TACC3: variants seen among roughly 807,000 people sequenced by gnomAD.
TACC3 encodes the protein transforming acidic coiled-coil-containing protein 3.
A neutral mutation model predicts 86.0 loss-of-function variants in TACC3; 52 were observed. That is an observed-to-expected ratio of 0.60 (90% CI 0.48 to 0.76). The LOEUF (loss-of-function observed/expected upper bound fraction) is 0.76. Ranked by LOEUF, TACC3 falls within the 30% of genes least tolerant of loss-of-function variation. The pLI, the probability that TACC3 is intolerant of heterozygous loss-of-function variation, is 0.00. For missense variants in TACC3, 1,120 were observed against 1,070.4 expected, an observed-to-expected ratio of 1.05 and a Z score of -0.65; for synonymous variants, 512 against 430.0, an observed-to-expected ratio of 1.19 and a Z score of -2.36.
At chr4:1,734,823 G>C (rs1718175100) in intron 6 of TACC3, among the ~76,000 whole-genome samples, 1 of 152,104 alleles carries the variant, frequency 6.6e-6, no homozygotes, top group Non-Finnish European at 1.5e-5. Flanking sequence ...ACCGCGCCTA[G>C]CTAATTTTTG....
intron 12 of TACC3, 111 bp from the exon 13 acceptor site, chr4:1,740,715 C>G (rs914089365): frequency 2.1e-6 from 2 of 936,726 alleles, no homozygotes; most frequent in Admixed American, 2.3e-5. Context: ...ACACCCACTG[C>G]CCACCTCTCC....
At position 1,731,942 on chromosome 4, in the gene TACC3, C is replaced by A. The variant is rs962270797; in HGVS notation, c.1591+641C>A. On this transcript the variant is annotated intron_variant, in intron 6 of 15. Coordinates refer to ENST00000313288, the MANE Select transcript of TACC3 (RefSeq NM_006342.3). ...AGCCCCCGCGCCCGGCCCAGAACCCCTTGATAATGAAATGTGAAGCCTGAA... is the reference window on the plus strand; with the variant it reads ...AGCCCCCGCGCCCGGCCCAGAACCCATTGATAATGAAATGTGAAGCCTGAA... Among the ~76,000 whole-genome samples, 10 of 152,370 alleles carry A rather than the reference C, an allele frequency of 6.6e-5. 1 individual carries two copies. The South Asian group carries it at 2.1e-3, about 32-fold the overall frequency.
At chr4:1,739,164 C>T (rs1042500608) in intron 10 of TACC3, among the ~76,000 whole-genome samples, 9 of 152,176 alleles carry the variant, frequency 5.9e-5, no homozygotes, top group East Asian at 3.9e-4. Flanking sequence ...AAAAATTAGC[C>T]GGGCGTGGTG....
At position 1,728,223 on chromosome 4, in the gene TACC3, G is replaced by A. The variant is rs774800653; in HGVS notation, c.821G>A (p.Gly274Asp). 3.1e-6 allele frequency: 5 copies of A among 1,612,244 alleles called. No homozygotes were observed. The highest frequency in any genetic ancestry group is 3.4e-6 in the Non-Finnish European group (4 of 1,179,764). The change falls in exon 4 of 16, where the codon GGC becomes GAC. Residue 274 changes from glycine (G) to aspartate (D), a missense_variant. Physicochemically the swap from Gly to Asp is moderately conservative, Grantham distance 94. Coordinates refer to ENST00000313288, the MANE Select transcript of TACC3 (RefSeq NM_006342.3). Reference protein sequence around the residue: ...PLQGLPGEALGCPAGVGTPVP... With the variant: ...PLQGLPGEALDCPAGVGTPVP... The stretch of plus-strand genomic sequence containing the variant: ...CAGGGTCTGCCTGGCGAAGCCCTGG[G>A]CTGCCCTGCGGGTGTGGGCACCCCC...
chr4:1,726,232 C>T (rs1262906504), intron 3 of TACC3, among the ~76,000 whole-genome samples: 1 of 152,158 alleles, frequency 6.6e-6, no homozygotes, highest in Non-Finnish European at 1.5e-5. Flanking sequence ...GCACCTGTGC[C>T]ACTCCACTGT....
chr4:1,724,020 G>C, intron 3 of TACC3, 150 bp downstream of exon 3: 3 of 843,740 alleles, frequency 3.6e-6, no homozygotes, highest in Non-Finnish European at 3.6e-6. Context: ...CCACGCTGGA[G>C]TGCAGTGGCG....
intron 6 of TACC3, among the ~76,000 whole-genome samples, chr4:1,734,930 A>G (rs999399630): frequency 6.6e-6 from 1 of 152,234 alleles, no homozygotes; most frequent in Non-Finnish European, 1.5e-5. Flanking sequence ...CAAAAGTTAT[A>G]TTATCAAAAA....
At position 1,731,172 on chromosome 4, in the gene TACC3, G is replaced by A. The variant is rs1397078812; in HGVS notation, c.1462G>A (p.Glu488Lys). The change falls in exon 6 of 16, where the codon GAG (glutamate) becomes AAG (lysine). Residue 488 changes from glutamate (E) to lysine (K), a missense_variant and splice_region_variant. By Grantham distance (56) the Glu-to-Lys change is moderately conservative. Transcript: ENST00000313288. ...AGGGTGACTCTGCCCTTTCCTCCAG[G>A]AGAGAGCCTTGAACTCTGCCAGCAC... ...AAETPTAESK[E>K]RALNSASTSL... 1.2e-6 allele frequency: 2 copies of A among 1,613,288 alleles called. No individual in the cohort carries two copies. Among genetic ancestry groups the A allele is most frequent in the Admixed American group, 1.7e-5 (1 of 60,034 alleles).
At chr4:1,730,500 C>T (rs908423635) in intron 4 of TACC3, 9 of 384,474 alleles carry the variant, frequency 2.3e-5, no homozygotes, top group Non-Finnish European at 4.1e-5. Context: ...CAGCTTGTGC[C>T]CTTGGTGTCT....
intron 1 of TACC3, chr4:1,721,999 G>A (rs559526564): frequency 1.1e-4 from 17 of 152,424 alleles, no homozygotes; most frequent in African/African-American, 4.1e-4. Flanking sequence ...GGACCCTCCT[G>A]TTGTTCTTTG....
Position 1,745,070 on chromosome 4 carries a change from T to A in TACC3, c.*57T>A. ...CTCCCGTCTGTCTGTCCTGTCTGAT[T>A]CTCTTAGGTGTCATGTTCTTTTTTC... is the stretch of plus-strand genomic sequence containing the variant. On this transcript the variant is annotated 3_prime_UTR_variant, in exon 16 of 16. Coordinates refer to ENST00000313288, the MANE Select transcript of TACC3 (RefSeq NM_006342.3). 3 of 1,527,020 alleles carry A rather than the reference T, an allele frequency of 2.0e-6. No homozygotes were observed. The highest frequency in any genetic ancestry group is 2.7e-6 in the Non-Finnish European group (3 of 1,125,502). 94.6% of individuals were successfully genotyped at this position (1,527,020 alleles called of 1,614,324 possible).
intron 10 of TACC3, chr4:1,738,278 A>G (rs1305323513): frequency 1.7e-5 from 4 of 235,546 alleles, no homozygotes; most frequent in African/African-American, 6.8e-5. Context: ...AGGTGCAGAC[A>G]GGGTGGTTCC....
rs576556395 is a variant in TACC3, at chr4:1,728,631, T to C, written c.1229T>C (p.Met410Thr). 23 of 1,613,776 alleles carry C rather than the reference T, an allele frequency of 1.4e-5. No homozygotes were observed. Among genetic ancestry groups the C allele is most frequent in the East Asian group, 2.2e-5 (1 of 44,864 alleles). The stretch of plus-strand genomic sequence containing the variant: ...TCTTACCACCTCGACTGGGACAAAA[T>C]GGATGACCCAAACTTCATCCCGTTC... Reference protein sequence around the residue: ...RGSYHLDWDKMDDPNFIPFGG... With the variant: ...RGSYHLDWDKTDDPNFIPFGG... Residue 410 changes from methionine to threonine, a missense_variant, in exon 4 of 16, where the codon ATG (methionine) becomes ACG (threonine). By Grantham distance (81) the Met-to-Thr change is moderately conservative. Coordinates refer to ENST00000313288, the MANE Select transcript of TACC3 (RefSeq NM_006342.3).
intron 6 of TACC3, among the ~76,000 whole-genome samples, chr4:1,731,912 G>A (rs1031237127): frequency 2.0e-5 from 3 of 152,250 alleles, no homozygotes; most frequent in Admixed American, 6.5e-5. Flanking sequence ...GGGATTGCAC[G>A]CGTGAGCCCC....
intron 9 of TACC3, 120 bp downstream of exon 9, chr4:1,737,448 G>A: frequency 8.6e-7 from 1 of 1,159,350 alleles, no homozygotes; most frequent in Non-Finnish European, 1.3e-6. Context: ...GGGGCATGGG[G>A]CCGCTGTGCT....
chr4:1,742,976 AAT>A (rs1560328055), intron 13 of TACC3, among the ~76,000 whole-genome samples: 1 of 152,182 alleles, frequency 6.6e-6, no homozygotes, highest in Non-Finnish European at 1.5e-5. Context: ...GAAAACAAAA[AAT>A]ACAGAAAAAC....
At position 1,740,889 on chromosome 4, in the gene TACC3, AC is replaced by A; in HGVS notation, c.2128del (p.Gln710AsnfsTer6). 6.2e-7 allele frequency: 1 copy of A among 1,613,194 alleles called. No homozygotes were observed. The highest frequency in any genetic ancestry group is 8.5e-7 in the Non-Finnish European group (1 of 1,179,796). ...AEIQKVLKEK[D>X]QLTTDLNSME... ...ATCCAGAAAGTTCTAAAAGAAAAAGACCAACTTACCACAGATCTGAACTCCA... is the reference window on the plus strand; with the variant it reads ...ATCCAGAAAGTTCTAAAAGAAAAAGACAACTTACCACAGATCTGAACTCCA... On this transcript the variant is annotated frameshift_variant, in exon 13 of 16. Coordinates refer to ENST00000313288, the MANE Select transcript of TACC3 (RefSeq NM_006342.3). LOFTEE classifies it high-confidence loss of function.
intron 4 of TACC3, among the ~76,000 whole-genome samples, chr4:1,730,050 G>T (rs1234300447): frequency 6.6e-6 from 1 of 152,118 alleles, no homozygotes; most frequent in Non-Finnish European, 1.5e-5. Context: ...TTGTTTGTTT[G>T]TTTTTTGAGA....
chr4:1,723,697 A>AATAGGTGC, intron 2 of TACC3, 31 bp from the exon 3 acceptor site: 1 of 1,613,344 alleles, frequency 6.2e-7, no homozygotes, highest in Non-Finnish European at 8.5e-7. Flanking sequence ...TGAACTAATG[A>AATAGGTGC]ATAGGTGCTC....
Sources: gnomAD v4.1 joint callset for allele counts (sites outside exome capture counted in the v4.1 genomes callset) on GRCh38, gnomAD v4.1.1 for gene constraint, MANE v1.5 for transcripts, NCBI Gene and HGNC (gene_info 2026-07-23, HGNC 2026-07-21) for gene names.